The following VPS39 variants were observed in gnomAD, a reference collection of about 807,000 sequenced individuals.
VPS39 encodes VPS39 subunit of HOPS complex.
VPS39 carries 70 observed loss-of-function variants against 121.0 expected under a neutral mutation model. The ratio of observed to expected loss-of-function variants is 0.58; its 90% CI spans 0.48 to 0.71. The LOEUF is 0.71. VPS39 is among the 30% of genes least tolerant of loss of function. The probability of loss-of-function intolerance (pLI) is 0.00; values close to 1 mark genes in which losing one functional copy is unlikely to be tolerated. For synonymous variants in VPS39, 378 were observed against 398.1 expected (o/e 0.95, Z 0.60); for missense variants, 818 against 1,051.5 (o/e 0.78, Z 3.07).
At chr15:42,164,833 A>C in intron 18 of VPS39, 163 bp downstream of exon 18, 1 of 1,442,396 alleles carries the variant, frequency 6.9e-7, no homozygotes, top group Non-Finnish European at 9.1e-7. Context: ...CCTGAGTCTC[A>C]TGTGCCAGGC....
At chr15:42,193,121 C>A (rs2049864772) in intron 2 of VPS39, among the ~76,000 whole-genome samples, 1 of 152,106 alleles carries the variant, frequency 6.6e-6, no homozygotes, top group South Asian at 2.1e-4. Flanking sequence ...GGCAGAGATT[C>A]TTAAACTTTT....
In VPS39 at chr15:42,187,515, A is replaced by G. The variant is rs1595670473; in HGVS notation, c.442-152T>C. 7 of 784,306 alleles carry G rather than the reference A, an allele frequency of 8.9e-6. No homozygotes were observed. In the South Asian group the frequency reaches 1.3e-4, roughly 15 times the overall value. The allele number at this position is 784,306 out of a possible 1,614,324, so 48.6% of individuals were successfully genotyped here. The stretch of plus-strand genomic sequence containing the variant: ...ACAAGGCCAGGAAACTACCCTTAAT[A>G]AAAATACAAGTCCATGAACTGGACA... On this transcript the variant is annotated intron_variant, in intron 6 of 24. Transcript: ENST00000318006.
At chr15:42,173,975 C>T (rs1023848116) in intron 10 of VPS39, 123 bp from the exon 11 acceptor site, 102 of 1,135,832 alleles carry the variant, frequency 9.0e-5, no homozygotes, top group Non-Finnish European at 1.2e-4. Flanking sequence ...AGGCCGGGCG[C>T]GGTGCCTCAC....
chr15:42,199,499 A>G (rs968505943), intron 2 of VPS39: 1 of 428,468 alleles, frequency 2.3e-6, no homozygotes, highest in Admixed American at 2.9e-5. Flanking sequence ...AGCCAACAAG[A>G]TATTTTAAAT....
At chr15:42,165,521 T>C in intron 17 of VPS39, 197 bp downstream of exon 17, 2 of 543,204 alleles carry the variant, frequency 3.7e-6, no homozygotes, top group Non-Finnish European at 6.5e-6. Context: ...TATCCCTCTG[T>C]AGTTTACCTA....
chr15:42,208,123 G>C lies in VPS39; in HGVS notation c.31C>G (p.Leu11Val), dbSNP rs200156473. The change falls in exon 1 of 25, where the codon CTA becomes GTA. Residue 11 changes from leucine to valine, a missense_variant. Transcript: ENST00000318006. MHDAFEPVPI[L>V]EKLPLQIDCL... ...TCGATTTGCAGAGGCAGCTTTTCTAGGATCGGCACTGGCTCGAAAGCGTCG... is the reference window on the plus strand; with the variant it reads ...TCGATTTGCAGAGGCAGCTTTTCTACGATCGGCACTGGCTCGAAAGCGTCG... 1.3e-6 allele frequency: 2 copies of C among 1,589,378 alleles called. No homozygotes were observed. The highest frequency in any genetic ancestry group is 1.3e-5 in the African/African-American group (1 of 74,458).
chr15:42,164,674 TA>T, intron 18 of VPS39, 188 bp from the exon 19 acceptor site: 1 of 1,434,394 alleles, frequency 7.0e-7, no homozygotes, highest in Non-Finnish European at 9.1e-7. Flanking sequence ...AGCTTACGGT[TA>T]AAAAAATAAG....
chr15:42,178,681 T>C, intron 8 of VPS39, 111 bp from the exon 9 acceptor site: 2 of 1,455,774 alleles, frequency 1.4e-6, no homozygotes, highest in Non-Finnish European at 1.9e-6. Flanking sequence ...AAAAGTCCCC[T>C]AGTCAAATAT....
intron 21 of VPS39, 47 bp from the exon 22 acceptor site, chr15:42,162,528 C>A: frequency 1.3e-6 from 2 of 1,554,306 alleles, no homozygotes; most frequent in Non-Finnish European, 1.7e-6. Context: ...GCAACCCTCC[C>A]AGAACCCCCA....
chr15:42,167,619 C>G, intron 12 of VPS39, 82 bp from the exon 13 acceptor site: 1 of 1,544,070 alleles, frequency 6.5e-7, no homozygotes, highest in Admixed American at 1.9e-5. Flanking sequence ...CTGAATACCT[C>G]CAATCAGCTC....
At chr15:42,192,293 T>TA (rs1471284577) in intron 2 of VPS39, among the ~76,000 whole-genome samples, 5 of 152,060 alleles carry the variant, frequency 3.3e-5, no homozygotes, top group African/African-American at 1.2e-4. Context: ...TTTATATATA[T>TA]TTTTTTCTGT....
intron 11 of VPS39, among the ~76,000 whole-genome samples, chr15:42,171,983 TG>T (rs1213970251): frequency 1.3e-5 from 2 of 152,194 alleles, no homozygotes; most frequent in African/African-American, 4.8e-5. Context: ...GACCTAATCC[TG>T]GCTAATCAGA....
intron 24 of VPS39, chr15:42,161,293 G>A (rs888594634): frequency 4.2e-5 from 16 of 381,160 alleles, no homozygotes; most frequent in South Asian, 3.4e-4. Flanking sequence ...AACACAGTAT[G>A]AGTCTGGCTC....
In VPS39 at chr15:42,165,420, T is replaced by C. The variant is rs1056603168; in HGVS notation, c.1779+298A>G. On this transcript the variant is annotated intron_variant, in intron 17 of 24. Transcript: ENST00000318006. ...TCTGCATCCTGGTACTTAAGCCTAT[T>C]TGATTGTCCTGTGGTCACTTTTGAG... The C allele has an allele frequency of 9.9e-6, 5 of 505,124 alleles. No individual in the cohort carries two copies. In the Middle Eastern group the frequency reaches 1.6e-3, roughly 158 times the overall value. The allele number at this position is 505,124 out of a possible 1,614,324, so 31.3% of individuals were successfully genotyped here. A position where few individuals can be genotyped will look rare whatever the true frequency, so the allele number is the denominator to read the frequency against.
intron 18 of VPS39, 185 bp from the exon 19 acceptor site, chr15:42,164,671 G>T: frequency 7.0e-7 from 1 of 1,434,228 alleles, no homozygotes; most frequent in East Asian, 2.5e-5. Flanking sequence ...ATCAGCTTAC[G>T]GTTAAAAAAA....
At chr15:42,186,884 G>A (rs1229598757) in intron 7 of VPS39, among the ~76,000 whole-genome samples, 1 of 152,206 alleles carries the variant, frequency 6.6e-6, no homozygotes, top group Non-Finnish European at 1.5e-5. Context: ...AGATTTGACG[G>A]CAGGAGAGGA....
intron 11 of VPS39, among the ~76,000 whole-genome samples, chr15:42,171,034 C>A (rs1233146136): frequency 6.6e-6 from 1 of 152,088 alleles, no homozygotes; most frequent in East Asian, 1.9e-4. Context: ...TGTACCTGGC[C>A]ACTCCCAGAT....
chr15:42,184,668 A>G lies in VPS39; in HGVS notation c.567T>C (p.Phe189=). The part of the protein sequence containing the change: ...VDGKGSIKEL[F]PTGKQLEPLV... ...AGGGCTCCAGCTGTTTTCCTGTTGG[A>G]AAGAGCTCTTTGATGGACCCCTTTC... Residue 189 remains phenylalanine (F), a synonymous_variant, in exon 8 of 25, where the codon TTT becomes TTC. Coordinates refer to ENST00000318006, the MANE Select transcript of VPS39 (RefSeq NM_015289.5). 1 of 1,613,846 alleles carries G rather than the reference A, an allele frequency of 6.2e-7. No homozygotes were observed. The highest frequency in any genetic ancestry group is 8.5e-7 in the Non-Finnish European group (1 of 1,179,850).
chr15:42,202,866 C>G (rs1378253024), intron 1 of VPS39, among the ~76,000 whole-genome samples: 1 of 152,156 alleles, frequency 6.6e-6, no homozygotes, highest in African/African-American at 2.4e-5. Context: ...TATCTTAGAG[C>G]AGATCTCTGA....
Sources: gnomAD v4.1 joint callset for allele counts (sites outside exome capture counted in the v4.1 genomes callset) on GRCh38, gnomAD v4.1.1 for gene constraint, MANE v1.5 for transcripts, NCBI Gene and HGNC (gene_info 2026-07-23, HGNC 2026-07-21) for gene names.